CASZ1: variants seen among roughly 807,000 people sequenced by gnomAD.
CASZ1 encodes the protein zinc finger protein castor homolog 1.
In CASZ1, 28 loss-of-function variants were observed where a neutral mutation model predicts 135.2. That is an observed-to-expected ratio of 0.21 (90% confidence interval 0.15 to 0.28). The LOEUF (loss-of-function observed/expected upper bound fraction) is 0.28. Among genes scored for constraint, CASZ1 ranks in the 10% least tolerant of loss-of-function variants. The pLI, the probability that CASZ1 is intolerant of heterozygous loss-of-function variation, is 1.00. For synonymous variants in CASZ1, 1,068 were observed against 1,073.4 expected, an observed-to-expected ratio of 0.99 and a Z score of 0.10; for missense variants, 2,161 against 2,453.3, an observed-to-expected ratio of 0.88 and a Z score of 2.52.
In CASZ1 at chr1:10,639,741, C is replaced by A; in HGVS notation, c.4481G>T (p.Arg1494Leu). The change falls in exon 21 of 21, where the codon CGC becomes CTC. Residue 1494 changes from arginine to leucine, a missense_variant. Around this residue, in one of 7 missense-constraint regions of CASZ1, gnomAD observed 240 missense variants for 321.4 expected, o/e 0.75. Coordinates refer to ENST00000377022, the MANE Select transcript of CASZ1 (RefSeq NM_001079843.3). The surrounding 1 kb of genome is among the most constrained non-coding windows in gnomAD (Gnocchi z 4.0). ...GTGGCAGCTGAGTGAGGCCTTGAAG[C>A]GCTTGAAGTCGTCCAGCACCAGGTT... The part of the protein sequence containing the change: ...VDNLVLDDFK[R>L]FKASLSCHFA... The A allele has an allele frequency of 1.9e-6, 3 of 1,593,040 alleles. No individual in the cohort carries two copies. Among genetic ancestry groups the A allele is most frequent in the Non-Finnish European group, 2.6e-6 (3 of 1,170,622 alleles).
In CASZ1 at chr1:10,706,676, T is replaced by A. The variant is rs1421546317; in HGVS notation, c.-76-1132A>T. On this transcript the variant is annotated intron_variant, in intron 2 of 20. Coordinates refer to ENST00000377022, the MANE Select transcript of CASZ1 (RefSeq NM_001079843.3). The surrounding 1 kb of genome is among the most constrained non-coding windows in gnomAD (Gnocchi z 4.3). ...CGTCCTCTTAAGGAGGGCTCGGCTCTCCACCAGCTTTCGCCGCTTGTGTTG... is the reference window on the plus strand; with the variant it reads ...CGTCCTCTTAAGGAGGGCTCGGCTCACCACCAGCTTTCGCCGCTTGTGTTG... Among the ~76,000 whole-genome samples the A allele has an allele frequency of 6.6e-5, 10 of 152,182 alleles. No individual in the cohort carries two copies. The highest frequency in any genetic ancestry group is 5.9e-4 in the Admixed American group (9 of 15,290).
Position 10,759,104 on chromosome 1 carries a change from G to C in CASZ1, c.-77+1597C>G, listed in dbSNP as rs1017962822. ...AGAAGAAAACAAAAAACCCGTCACT[G>C]AGAACAGAGCAGGCAAACATTACCC... is the stretch of plus-strand genomic sequence containing the variant. On this transcript the variant is annotated intron_variant, in intron 2 of 20. Transcript: ENST00000377022. This position sits in a 1 kb window ranked among gnomAD's most constrained non-coding sequence, Gnocchi z 4.2. Among the ~76,000 whole-genome samples, 2 of 152,216 alleles carry C rather than the reference G, an allele frequency of 1.3e-5. No homozygotes were observed. The highest frequency in any genetic ancestry group is 6.5e-5 in the Admixed American group (1 of 15,278).
chr1:10,713,971 A>G (rs983332725), intron 2 of CASZ1, among the ~76,000 whole-genome samples: 6 of 152,234 alleles, frequency 3.9e-5, no homozygotes, highest in Admixed American at 3.3e-4. Context: ...GTGGGTCCAG[A>G]GGCAGACTGT....
At chr1:10,729,840 G>C (rs1639672024) in intron 2 of CASZ1, among the ~76,000 whole-genome samples, 1 of 152,030 alleles carries the variant, frequency 6.6e-6, no homozygotes, top group African/African-American at 2.4e-5. Context: ...TTTTGACATG[G>C]AGTCTCGCTC....
chr1:10,784,209 A>C (rs997568334), intron 1 of CASZ1, among the ~76,000 whole-genome samples: 9 of 152,332 alleles, frequency 5.9e-5, no homozygotes, highest in African/African-American at 1.9e-4. Flanking sequence ...GGCACCACAG[A>C]GACCTTGGTC....
In CASZ1 at chr1:10,658,586, GACAC is replaced by G; in HGVS notation, c.1341-14_1341-11del. On this transcript the variant is annotated splice_polypyrimidine_tract_variant and intron_variant, in intron 6 of 20. Coordinates refer to ENST00000377022, the MANE Select transcript of CASZ1 (RefSeq NM_001079843.3). Reference sequence around the variant, plus strand: ...TGTGGGCAGTCCGTTCCTGGCAAGAGACACACAGGGCACAGCCGGTGAGCAGATG... The same window carrying G: ...TGTGGGCAGTCCGTTCCTGGCAAGAGACAGGGCACAGCCGGTGAGCAGATG... 6.2e-7 allele frequency: 1 copy of G among 1,613,452 alleles called. No individual in the cohort carries two copies. The highest frequency in any genetic ancestry group is 8.5e-7 in the Non-Finnish European group (1 of 1,179,414).
At chr1:10,715,744 TCCCCACAGCACCCAATCCACA>T (rs1179579429) in intron 2 of CASZ1, among the ~76,000 whole-genome samples, 13 of 32,046 alleles carry the variant, frequency 4.1e-4, no homozygotes, top group East Asian at 2.5e-3. Context: ...CCCAATCCGC[TCCCCACAGCACCCAATCCACA>T]CCCCACAGCA....
chr1:10,764,313 C>T (rs1461183306), intron 1 of CASZ1, among the ~76,000 whole-genome samples: 3 of 152,234 alleles, frequency 2.0e-5, no homozygotes, highest in African/African-American at 7.2e-5. Context: ...CAACCAATTC[C>T]AATAAGAATT....
At chr1:10,693,441 T>C (rs1368515819) in intron 4 of CASZ1, among the ~76,000 whole-genome samples, 1 of 70,680 alleles carries the variant, frequency 1.4e-5, no homozygotes, top group African/African-American at 5.7e-5. Flanking sequence ...CACCCCCCAC[T>C]AAAAAAATAA....
chr1:10,688,502 G>T (rs1638664980), intron 4 of CASZ1, among the ~76,000 whole-genome samples: 1 of 152,248 alleles, frequency 6.6e-6, no homozygotes, highest in East Asian at 1.9e-4. Context: ...GCGGAGGGAG[G>T]TCCCTTAAGG....
At position 10,649,209 on chromosome 1, in the gene CASZ1, G is replaced by A; in HGVS notation, c.3036-17C>T. On this transcript the variant is annotated splice_polypyrimidine_tract_variant and intron_variant, in intron 14 of 20. Coordinates refer to ENST00000377022, the MANE Select transcript of CASZ1 (RefSeq NM_001079843.3). ...GTACCAAACCTAGCCAGAGGAGCTG[G>A]CGTTAGAGGAGAGCCTGGGGCTCCA... 2.5e-6 allele frequency: 4 copies of A among 1,612,712 alleles called. No individual in the cohort carries two copies. Among genetic ancestry groups the A allele is most frequent in the Non-Finnish European group, 3.4e-6 (4 of 1,179,296 alleles).
Position 10,741,986 on chromosome 1 carries a change from C to G in CASZ1, c.-77+18715G>C, listed in dbSNP as rs1242227055. Reference sequence around the variant, plus strand: ...CCGAGACACGGACCCCTCACCGCTTCTCACGTGCCCCCAGCCGCAACCCCA... The same window carrying G: ...CCGAGACACGGACCCCTCACCGCTTGTCACGTGCCCCCAGCCGCAACCCCA... On this transcript the variant is annotated intron_variant, in intron 2 of 20. Transcript: ENST00000377022. This position sits in a 1 kb window ranked among gnomAD's most constrained non-coding sequence, Gnocchi z 5.0. Among the ~76,000 whole-genome samples the G allele has an allele frequency of 6.6e-6, 1 of 152,086 alleles. No homozygotes were observed. The highest frequency in any genetic ancestry group is 2.4e-5 in the African/African-American group (1 of 41,398).
At chr1:10,705,662 G>A (rs1183667995) in intron 2 of CASZ1, 118 bp from the exon 3 acceptor site, 2 of 152,330 alleles carry the variant, frequency 1.3e-5, no homozygotes, top group African/African-American at 4.8e-5. Flanking sequence ...CTGAGGGGCT[G>A]ATGCTCCAGG....
intron 1 of CASZ1, among the ~76,000 whole-genome samples, chr1:10,764,061 C>G (rs1640426919): frequency 6.6e-6 from 1 of 152,172 alleles, no homozygotes; most frequent in South Asian, 2.1e-4. Flanking sequence ...CGATGTTTTA[C>G]CAGATTAGCC....
intron 2 of CASZ1, among the ~76,000 whole-genome samples, chr1:10,715,741 C>T (rs1198356439): frequency 7.5e-6 from 1 of 133,850 alleles, no homozygotes; most frequent in Non-Finnish European, 1.6e-5. Context: ...GCACCCAATC[C>T]GCTCCCCACA....
In CASZ1 at chr1:10,658,510, G is replaced by C; in HGVS notation, c.1407C>G (p.Ala469=). The change falls in exon 7 of 21, where the codon GCC becomes GCG. Residue 469 remains alanine (A), a splice_region_variant and synonymous_variant. Transcript: ENST00000377022. ...CAGGCTCCTCCCCAGGGGCCTACCT[G>C]GCAATATATTTCTGGTAAATGTTTA... ...EDVNIYQKYI[A]RFSGSQHCGH... The C allele has an allele frequency of 1.2e-6, 2 of 1,613,466 alleles. No individual in the cohort carries two copies. The highest frequency in any genetic ancestry group is 1.7e-6 in the Non-Finnish European group (2 of 1,179,486).
chr1:10,783,335 T>C (rs2100616683), intron 1 of CASZ1, among the ~76,000 whole-genome samples: 1 of 150,368 alleles, frequency 6.7e-6, no homozygotes, highest in East Asian at 1.9e-4. Context: ...AGACAGGGGC[T>C]CTACCTCCCA....
In CASZ1 at chr1:10,735,649, G is replaced by C. The variant is rs887767558; in HGVS notation, c.-77+25052C>G. On this transcript the variant is annotated intron_variant, in intron 2 of 20. Coordinates refer to ENST00000377022, the MANE Select transcript of CASZ1 (RefSeq NM_001079843.3). The surrounding 1 kb of genome is among the most constrained non-coding windows in gnomAD (Gnocchi z 5.1). ...ATGACTCTCCCGGTTTCTGTGCCCT[G>C]AGCTCTCAGAGAACCCACCACAGAT... Among the ~76,000 whole-genome samples the C allele has an allele frequency of 1.3e-5, 2 of 152,176 alleles. No individual in the cohort carries two copies. Among genetic ancestry groups the C allele is most frequent in the African/African-American group, 4.8e-5 (2 of 41,444 alleles).
In CASZ1 at chr1:10,648,109, T is replaced by C; in HGVS notation, c.3189A>G (p.Ala1063=). 6.4e-7 allele frequency: 1 copy of C among 1,551,386 alleles called. No individual in the cohort carries two copies. The highest frequency in any genetic ancestry group is 8.7e-7 in the Non-Finnish European group (1 of 1,149,520). The change falls in exon 16 of 21, where the codon GCA becomes GCG. Residue 1063 remains alanine (A), a synonymous_variant. Transcript: ENST00000377022. ...NFHFRTEGGA[A]KGNTEAAFPA... ...GAAAGGCAGCCTCTGTGTTTCCTTT[T>C]GCTGCTCCTCCCTCTGTCCGGAAGT...
Sources: gnomAD v4.1 joint callset for allele counts (sites outside exome capture counted in the v4.1 genomes callset) on GRCh38, gnomAD v4.1.1 for gene constraint, gnomAD v4.1.1 regional missense constraint, Gnocchi (gnomAD v3.1) non-coding constraint, MANE v1.5 for transcripts, NCBI Gene and HGNC (gene_info 2026-07-23, HGNC 2026-07-21) for gene names.